MAJIN: variants seen among roughly 807,000 people sequenced by gnomAD.
MAJIN encodes the protein membrane anchored junction protein, also known as membrane-anchored junction protein.
A neutral mutation model predicts 30.2 loss-of-function variants in MAJIN; 27 were observed. The ratio of observed to expected loss-of-function variants is 0.89; its 90% CI spans 0.66 to 1.23. The LOEUF (loss-of-function observed/expected upper bound fraction) is 1.23. MAJIN is among the 50% of genes most tolerant of loss of function. The probability of loss-of-function intolerance (pLI) is 0.00; values close to 1 mark genes in which losing one functional copy is unlikely to be tolerated. For synonymous variants in MAJIN, 78 were observed against 91.6 expected (o/e 0.85, Z 0.85); for missense variants, 253 against 260.3 (o/e 0.97, Z 0.19).
At chr11:64,947,009 C>T (rs1464823377) in intron 8 of MAJIN, among the ~76,000 whole-genome samples, 1 of 152,130 alleles carries the variant, frequency 6.6e-6, no homozygotes. Flanking sequence ...TGTTCTTACT[C>T]CTTCAAGAGT....
intron 8 of MAJIN, among the ~76,000 whole-genome samples, chr11:64,943,469 C>T (rs137882290): frequency 2.6e-5 from 4 of 152,196 alleles, no homozygotes; most frequent in Non-Finnish European, 5.9e-5. Flanking sequence ...TGATCCTACA[C>T]CCTAACTCCC....
intron 3 of MAJIN, among the ~76,000 whole-genome samples, chr11:64,955,741 T>TAAAA (rs1436490549): frequency 6.6e-6 from 1 of 152,260 alleles, no homozygotes. Flanking sequence ...TCAACACTTT[T>TAAAA]AAGACTGTGG....
chr11:64,954,615 C>T (rs1372350584), intron 4 of MAJIN, 142 bp downstream of exon 4: 6 of 789,776 alleles, frequency 7.6e-6, no homozygotes. Flanking sequence ...ACATAAAGTT[C>T]CTTTGCAAAG....
At chr11:64,970,880 G>C (rs944977751) in intron 1 of MAJIN, among the ~76,000 whole-genome samples, 2 of 152,092 alleles carry the variant, frequency 1.3e-5, no homozygotes, top group African/African-American at 2.4e-5. Flanking sequence ...ATCAAGACAT[G>C]ATGTGACAGG....
At chr11:64,971,349 C>T (rs1945900060) in intron 1 of MAJIN, among the ~76,000 whole-genome samples, 2 of 150,506 alleles carry the variant, frequency 1.3e-5, no homozygotes, top group African/African-American at 4.9e-5. Flanking sequence ...ATCGCTTGAA[C>T]CCAGGAGGCG....
chr11:64,948,301 A>T (rs1945482449), intron 6 of MAJIN, among the ~76,000 whole-genome samples: 1 of 151,960 alleles, frequency 6.6e-6, no homozygotes, highest in African/African-American at 2.4e-5. Context: ...GAATGATTGT[A>T]ATCTACAAGC....
chr11:64,959,354 C>T lies in MAJIN; in HGVS notation c.52G>A (p.Ala18Thr), dbSNP rs867650230. 6.2e-7 allele frequency: 1 copy of T among 1,614,014 alleles called. No individual in the cohort carries two copies. The highest frequency in any genetic ancestry group is 8.5e-7 in the Non-Finnish European group (1 of 1,179,968). ...TTGAATTTATACACATTGGGTCCTG[C>T]ATGAAGAAACCTCGTCTCTGGAAAC... is the stretch of plus-strand genomic sequence containing the variant. ...YPFPETRFLHAGPNVYKFKIR... is the reference protein window; with the variant it reads ...YPFPETRFLHTGPNVYKFKIR... The change falls in exon 3 of 11, where the codon GCA becomes ACA. Residue 18 changes from alanine (A) to threonine (T), a missense_variant. Ala to Thr is a moderately conservative substitution (Grantham distance 58). Transcript: ENST00000301896.
intron 1 of MAJIN, among the ~76,000 whole-genome samples, chr11:64,967,773 GGTAA>G (rs1203512226): frequency 6.6e-6 from 1 of 152,070 alleles, no homozygotes; most frequent in Non-Finnish European, 1.5e-5. Context: ...GCACTAATAT[GGTAA>G]GTAACAAGAG....
rs1354073290 is a variant in MAJIN at position 64,962,628 on chromosome 11, T to A, written c.-64-2493A>T. 3.3e-5 allele frequency among the ~76,000 whole-genome samples: 5 copies of A among 152,324 alleles called. No individual in the cohort carries two copies. The East Asian group carries it at 9.6e-4, about 29-fold the overall frequency. On this transcript the variant is annotated intron_variant, in intron 1 of 10. Coordinates refer to ENST00000301896, the MANE Select transcript of MAJIN (RefSeq NM_001037225.3). ...AAGGCTTGAGTCCTGCTTCTGCCTC[T>A]ATTAGTCATTAGTCCCTGAGCAAGT...
rs781182959 is a variant in MAJIN at position 64,939,661 on chromosome 11, C to T, written c.*1+1G>A. ...CTGATGCCGGACAGAAGCTGTCTTACCTTAGAAACCCAAAGAAGCCGGTGG... is the reference window on the plus strand; with the variant it reads ...CTGATGCCGGACAGAAGCTGTCTTATCTTAGAAACCCAAAGAAGCCGGTGG... On this transcript the variant is annotated splice_donor_variant, in intron 10 of 10. Coordinates refer to ENST00000301896, the MANE Select transcript of MAJIN (RefSeq NM_001037225.3). LOFTEE classifies it low-confidence loss of function (3UTR_SPLICE). The T allele has an allele frequency of 1.9e-6, 3 of 1,613,428 alleles. No homozygotes were observed. Among genetic ancestry groups the T allele is most frequent in the Admixed American group, 3.3e-5 (2 of 59,998 alleles).
chr11:64,959,388 A>G lies in MAJIN; in HGVS notation c.18T>C (p.Phe6=). 6.2e-7 allele frequency: 1 copy of G among 1,613,762 alleles called. No individual in the cohort carries two copies. The highest frequency in any genetic ancestry group is 8.5e-7 in the Non-Finnish European group (1 of 1,179,656). The part of the protein sequence containing the change: MSLKP[F]TYPFPETRFL... Reference sequence around the variant, plus strand: ...ACCTCGTCTCTGGAAACGGGTAGGTAAAGGGTTTTAAACTCATTGCTCCCA... The same window carrying G: ...ACCTCGTCTCTGGAAACGGGTAGGTGAAGGGTTTTAAACTCATTGCTCCCA... Residue 6 remains phenylalanine, a synonymous_variant, in exon 3 of 11, where the codon TTT becomes TTC. Coordinates refer to ENST00000301896, the MANE Select transcript of MAJIN (RefSeq NM_001037225.3).
intron 4 of MAJIN, among the ~76,000 whole-genome samples, chr11:64,951,897 T>C (rs1041313919): frequency 4.6e-5 from 7 of 152,306 alleles, no homozygotes; most frequent in African/African-American, 1.7e-4. Flanking sequence ...TTACTGTTTT[T>C]TGTTTTTTTG....
At position 64,939,054 on chromosome 11, in the gene MAJIN, C is replaced by G. The variant is rs865818479; in HGVS notation, c.*2-481G>C. The stretch of plus-strand genomic sequence containing the variant: ...AAGTGATTCTCCTGCCTCAGCACCC[C>G]CAGTAGCTGGGATTACAGAACATTC... On this transcript the variant is annotated intron_variant, in intron 10 of 10. Coordinates refer to ENST00000301896, the MANE Select transcript of MAJIN (RefSeq NM_001037225.3). 3.3e-5 allele frequency among the ~76,000 whole-genome samples: 5 copies of G among 152,298 alleles called. 1 individual carries two copies. In the South Asian group the frequency reaches 1.0e-3, roughly 32 times the overall value.
At chr11:64,940,794 C>A in intron 8 of MAJIN, 148 bp from the exon 9 acceptor site, 1 of 508,832 alleles carries the variant, frequency 2.0e-6, no homozygotes, top group East Asian at 3.6e-5. Context: ...CTTTCCATTT[C>A]TTTCCATAGG....
At chr11:64,970,075 A>C (rs1449222005) in intron 1 of MAJIN, among the ~76,000 whole-genome samples, 1 of 152,070 alleles carries the variant, frequency 6.6e-6, no homozygotes, top group Admixed American at 6.6e-5. Context: ...CAAAAAAGTG[A>C]AGGATGGGCC....
Position 64,948,641 on chromosome 11 carries a change from T to C in MAJIN, c.350-822A>G, listed in dbSNP as rs9666996. 5.1e-3 allele frequency among the ~76,000 whole-genome samples: 48 copies of C among 9,438 alleles called. 1 individual carries two copies. Among genetic ancestry groups the C allele is most frequent in the Middle Eastern group, 0.036 (1 of 28 alleles). The allele number at this position is 9,438 out of a possible 152,430, so 6.2% of individuals were successfully genotyped here. ...TATATATATATATATATATATATAT[T>C]TTTTTTTTTTTTTTTTTTTTTTTTT... On this transcript the variant is annotated intron_variant, in intron 6 of 10. Coordinates refer to ENST00000301896, the MANE Select transcript of MAJIN (RefSeq NM_001037225.3).
intron 6 of MAJIN, among the ~76,000 whole-genome samples, chr11:64,948,645 T>A (rs1402676637): frequency 0.01 from 266 of 26,388 alleles, no homozygotes; most frequent in African/African-American, 0.015. Context: ...ATATATTTTT[T>A]TTTTTTTTTT....
chr11:64,948,706 G>C (rs1362157332), intron 6 of MAJIN, among the ~76,000 whole-genome samples: 2 of 116,948 alleles, frequency 1.7e-5, no homozygotes, highest in Admixed American at 9.8e-5. Flanking sequence ...GCCCAGGCTG[G>C]AGTGCAGGGG....
rs1224060262 is a variant in MAJIN at position 64,954,751 on chromosome 11, C to T, written c.147+6G>A. The T allele has an allele frequency of 2.5e-6, 4 of 1,613,306 alleles. No individual in the cohort carries two copies. Among genetic ancestry groups the T allele is most frequent in the South Asian group, 1.1e-5 (1 of 91,064 alleles). On this transcript the variant is annotated splice_donor_region_variant and intron_variant, in intron 4 of 10. Coordinates refer to ENST00000301896, the MANE Select transcript of MAJIN (RefSeq NM_001037225.3). The stretch of plus-strand genomic sequence containing the variant: ...TTTTCCAGAAGTCGTATGCTTCTTT[C>T]CCTACCTCCAGCTCCTGGGTGATGA...
Sources: gnomAD v4.1 joint callset for allele counts (sites outside exome capture counted in the v4.1 genomes callset) on GRCh38, gnomAD v4.1.1 for gene constraint, MANE v1.5 for transcripts, NCBI Gene and HGNC (gene_info 2026-07-23, HGNC 2026-07-21) for gene names.